Variants in CDK14 observed in about 807,000 individuals in gnomAD.
CDK14 encodes cyclin-dependent kinase 14.
CDK14 carries 34 observed loss-of-function variants against 60.7 expected under a neutral mutation model. That is an observed-to-expected ratio of 0.56 (90% CI 0.43 to 0.75). The LOEUF (loss-of-function observed/expected upper bound fraction) is 0.75. CDK14 is among the 30% of genes least tolerant of loss of function. The probability of loss-of-function intolerance (pLI) is 0.00; values close to 1 mark genes in which losing one functional copy is unlikely to be tolerated. For synonymous variants in CDK14, 197 were observed against 203.7 expected (o/e 0.97, Z 0.28); for missense variants, 482 against 564.1 (o/e 0.85, Z 1.47).
intron 12 of CDK14, among the ~76,000 whole-genome samples, chr7:91,110,523 A>G (rs895864010): frequency 6.6e-6 from 1 of 152,158 alleles, no homozygotes; most frequent in Non-Finnish European, 1.5e-5. Flanking sequence ...TAGATGAGAA[A>G]ACCAAGATCA....
intron 2 of CDK14, among the ~76,000 whole-genome samples, chr7:90,655,082 G>A (rs948152164): frequency 1.4e-5 from 2 of 138,210 alleles, no homozygotes; most frequent in Admixed American, 7.2e-5. Flanking sequence ...AAGTCAAATA[G>A]TCTGTAGCCT....
intron 10 of CDK14, among the ~76,000 whole-genome samples, chr7:91,029,624 T>TCCTCTCCGCTCTCCCCTCTCC (rs1796699172): frequency 1.5e-5 from 2 of 132,614 alleles, no homozygotes. Flanking sequence ...CTCCCCACTC[T>TCCTCTCCGCTCTCCCCTCTCC]CCTCTCCCCT....
intron 2 of CDK14, among the ~76,000 whole-genome samples, chr7:90,699,422 C>T (rs1801736347): frequency 6.6e-6 from 1 of 152,222 alleles, no homozygotes; most frequent in Non-Finnish European, 1.5e-5. Flanking sequence ...TTTAGCCCTG[C>T]AGCAACCCTC....
At chr7:90,911,766 T>C (rs1456729442) in intron 7 of CDK14, among the ~76,000 whole-genome samples, 1 of 152,144 alleles carries the variant, frequency 6.6e-6, no homozygotes, top group African/African-American at 2.4e-5. Context: ...AACATAACAT[T>C]GAATCCAATA....
chr7:90,771,507 G>A (rs1458664936), intron 4 of CDK14, among the ~76,000 whole-genome samples: 1 of 152,238 alleles, frequency 6.6e-6, no homozygotes, highest in African/African-American at 2.4e-5. Context: ...GCAACAGAAG[G>A]AAAGCTCTCA....
At chr7:91,024,712 C>T (rs2115894348) in intron 10 of CDK14, among the ~76,000 whole-genome samples, 1 of 152,296 alleles carries the variant, frequency 6.6e-6, no homozygotes, top group Admixed American at 6.5e-5. Context: ...GGCAGCCGCA[C>T]TCTAATCGTA....
At chr7:91,205,475 G>C (rs1451478542) in intron 14 of CDK14, among the ~76,000 whole-genome samples, 1 of 152,156 alleles carries the variant, frequency 6.6e-6, no homozygotes, top group East Asian at 1.9e-4. Flanking sequence ...TGTATATCTA[G>C]AACAGGTAAA....
rs914447113 is a variant in CDK14, at chr7:90,867,390, G to A, written c.639+4121G>A. 3.3e-5 allele frequency among the ~76,000 whole-genome samples: 5 copies of A among 152,012 alleles called. No homozygotes were observed. The East Asian group carries it at 7.7e-4, about 23-fold the overall frequency. On this transcript the variant is annotated intron_variant, in intron 6 of 14. Coordinates refer to ENST00000380050, the MANE Select transcript of CDK14 (RefSeq NM_001287135.2). ...TCTTTGCCAAAGACAAATAAGTGCC[G>A]CATTAACCTATTTAACACCATGCTG...
At chr7:91,027,128 A>G (rs1031567189) in intron 10 of CDK14, among the ~76,000 whole-genome samples, 8 of 152,236 alleles carry the variant, frequency 5.3e-5, no homozygotes, top group Admixed American at 4.6e-4. Flanking sequence ...ATAACCCACA[A>G]TACGTAACTG....
intron 4 of CDK14, among the ~76,000 whole-genome samples, chr7:90,780,742 A>G (rs1452919264): frequency 6.6e-6 from 1 of 151,994 alleles, no homozygotes; most frequent in Admixed American, 6.6e-5. Context: ...TCATCATTTT[A>G]TATGGCTCCA....
intron 2 of CDK14, among the ~76,000 whole-genome samples, chr7:90,675,518 G>A (rs1801182332): frequency 6.6e-6 from 1 of 152,020 alleles, no homozygotes; most frequent in East Asian, 1.9e-4. Flanking sequence ...AAAGTTGATA[G>A]GACGGAATGT....
At chr7:90,995,084 G>A (rs1313444824) in intron 10 of CDK14, among the ~76,000 whole-genome samples, 2 of 152,148 alleles carry the variant, frequency 1.3e-5, no homozygotes, top group East Asian at 1.9e-4. Flanking sequence ...TTGAGCGTGG[G>A]CTGGACCTCG....
intron 3 of CDK14, among the ~76,000 whole-genome samples, chr7:90,734,815 A>G (rs12666535): frequency 0.1 from 15,853 of 152,076 alleles, 1,039 homozygotes; most frequent in Non-Finnish European, 0.14. Flanking sequence ...ACCTCTGTCA[A>G]TTCGTCAAAC....
At chr7:90,992,061 A>G (rs140187576) in intron 10 of CDK14, among the ~76,000 whole-genome samples, 2,430 of 152,332 alleles carry the variant, frequency 0.016, 50 homozygotes, top group Non-Finnish European at 0.021. Flanking sequence ...TGAGTGGTTC[A>G]TGTGTGGAGA....
intron 14 of CDK14, among the ~76,000 whole-genome samples, chr7:91,198,468 C>T (rs1311895852): frequency 2.6e-5 from 4 of 152,198 alleles, no homozygotes; most frequent in Non-Finnish European, 5.9e-5. Context: ...AATTCCAAGA[C>T]AGAACATGTA....
At chr7:91,003,693 T>C (rs1163715700) in intron 10 of CDK14, among the ~76,000 whole-genome samples, 1 of 152,150 alleles carries the variant, frequency 6.6e-6, no homozygotes, top group Non-Finnish European at 1.5e-5. Flanking sequence ...AGTTGCACAC[T>C]TCCACCCATA....
At chr7:90,774,768 T>C (rs1804947640) in intron 4 of CDK14, among the ~76,000 whole-genome samples, 1 of 152,230 alleles carries the variant, frequency 6.6e-6, no homozygotes, top group Non-Finnish European at 1.5e-5. Context: ...CAGGGGTGTG[T>C]ATGTGTGTTT....
At chr7:90,902,436 C>A (rs775123274) in intron 7 of CDK14, among the ~76,000 whole-genome samples, 2 of 152,158 alleles carry the variant, frequency 1.3e-5, no homozygotes, top group East Asian at 3.9e-4. Context: ...GAATAGAGAA[C>A]CCCCAAATTA....
chr7:90,840,605 A>T (rs936971196), intron 5 of CDK14, among the ~76,000 whole-genome samples: 1 of 152,212 alleles, frequency 6.6e-6, no homozygotes, highest in African/African-American at 2.4e-5. Context: ...AGAATTGGAT[A>T]CATAAGGGAA....
Sources: allele counts gnomAD v4.1 joint callset (sites outside exome capture counted in the v4.1 genomes callset), GRCh38; gene constraint gnomAD v4.1.1; transcripts MANE v1.5; gene names NCBI Gene and HGNC (gene_info 2026-07-23, HGNC 2026-07-21).